Variants in JADE1 observed in about 807,000 individuals in gnomAD.
JADE1 encodes jade family PHD finger 1.
In JADE1, 14 loss-of-function variants were observed where a neutral mutation model predicts 81.8. The observed-to-expected ratio is 0.17, with a 90% confidence interval of 0.11 to 0.27. JADE1 has a LOEUF of 0.27. Ranked by LOEUF, JADE1 falls within the 10% of genes least tolerant of loss-of-function variation. The pLI, the probability that JADE1 is intolerant of heterozygous loss-of-function variation, is 1.00. For synonymous variants in JADE1, 353 were observed against 391.9 expected, an observed-to-expected ratio of 0.90 and a Z score of 1.17; for missense variants, 690 against 1,047.9, an observed-to-expected ratio of 0.66 and a Z score of 4.71.
intron 2 of JADE1, among the ~76,000 whole-genome samples, chr4:128,842,010 A>AC (rs964414790): frequency 1.3e-5 from 2 of 151,722 alleles, no homozygotes; most frequent in African/African-American, 4.8e-5. Flanking sequence ...ATAGGAGTAG[A>AC]CCCCCCTTTG....
At position 128,809,798 on chromosome 4, in the gene JADE1, C is replaced by G. The variant is rs951789641; in HGVS notation, c.-106C>G. 1 of 151,894 alleles carries G rather than the reference C, an allele frequency of 6.6e-6. No homozygotes were observed. The highest frequency in any genetic ancestry group is 2.4e-5 in the African/African-American group (1 of 41,366). The allele number at this position is 151,894 out of a possible 1,614,324, so 9.4% of individuals were successfully genotyped here. On this transcript the variant is annotated 5_prime_UTR_variant, in exon 1 of 11. Coordinates refer to ENST00000226319, the MANE Select transcript of JADE1 (RefSeq NM_199320.4). ...GCAGGGGCCCGCCCGGCTCCCCGCCCGCCGCGGCCCGAACTCATGCAGCTC... is the reference window on the plus strand; with the variant it reads ...GCAGGGGCCCGCCCGGCTCCCCGCCGGCCGCGGCCCGAACTCATGCAGCTC...
At chr4:128,844,688 T>G (rs1481364421) in intron 3 of JADE1, among the ~76,000 whole-genome samples, 1 of 152,206 alleles carries the variant, frequency 6.6e-6, no homozygotes, top group African/African-American at 2.4e-5. Context: ...CACCTGCTTC[T>G]GCGGCTCTAT....
chr4:128,869,246 T>G (rs1732009081), intron 10 of JADE1, among the ~76,000 whole-genome samples: 1 of 152,248 alleles, frequency 6.6e-6, no homozygotes, highest in South Asian at 2.1e-4. Flanking sequence ...AGCTGGAACT[T>G]GCAGTTTAAT....
chr4:128,835,634 G>C (rs934478719), intron 2 of JADE1, among the ~76,000 whole-genome samples: 1 of 152,130 alleles, frequency 6.6e-6, no homozygotes, highest in African/African-American at 2.4e-5. Context: ...AGAAAGATAG[G>C]GTCTATGCAG....
At chr4:128,827,952 AC>A (rs772521105) in intron 1 of JADE1, 14 of 932,184 alleles carry the variant, frequency 1.5e-5, no homozygotes, top group Non-Finnish European at 1.8e-5. Flanking sequence ...TTTTCTGGCT[AC>A]CTCCTCTTTG....
intron 1 of JADE1, among the ~76,000 whole-genome samples, chr4:128,812,372 C>T (rs994575977): frequency 4.0e-5 from 6 of 151,308 alleles, no homozygotes; most frequent in African/African-American, 1.5e-4. Context: ...TGCGCATTCC[C>T]CGGCGGGCGG....
chr4:128,843,626 C>A (rs1233025677), intron 3 of JADE1, among the ~76,000 whole-genome samples: 1 of 152,118 alleles, frequency 6.6e-6, no homozygotes, highest in South Asian at 2.1e-4. Context: ...GTTTAGGGGT[C>A]CTTATGAGAC....
chr4:128,841,005 C>T (rs181205367), intron 2 of JADE1, among the ~76,000 whole-genome samples: 2 of 152,318 alleles, frequency 1.3e-5, no homozygotes, highest in East Asian at 3.9e-4. Flanking sequence ...TCTTGGTCAT[C>T]GCAAATCTGA....
chr4:128,872,001 G>A lies in JADE1; in HGVS notation c.2268G>A (p.Lys756=). 6.2e-7 allele frequency: 1 copy of A among 1,613,946 alleles called. No homozygotes were observed. The highest frequency in any genetic ancestry group is 8.5e-7 in the Non-Finnish European group (1 of 1,179,920). Residue 756 remains lysine, a synonymous_variant, in exon 11 of 11, where the codon AAG becomes AAA. Transcript: ENST00000226319. ...KNWGGFRIPK[K]GERQQQGEAH... ...GGGGAGGATTCCGGATTCCAAAGAA[G>A]GGGGAACGGCAGCAGCAGGGAGAGG...
At chr4:128,832,155 A>G (rs1391566019) in intron 2 of JADE1, among the ~76,000 whole-genome samples, 1 of 152,186 alleles carries the variant, frequency 6.6e-6, no homozygotes, top group Non-Finnish European at 1.5e-5. Context: ...AAGCCAGGTA[A>G]TCATTAACTG....
At chr4:128,856,330 G>C (rs1371059614) in intron 7 of JADE1, among the ~76,000 whole-genome samples, 1 of 152,170 alleles carries the variant, frequency 6.6e-6, no homozygotes, top group African/African-American at 2.4e-5. Context: ...ATGTTAGCTG[G>C]AAGCAGCAGT....
intron 1 of JADE1, among the ~76,000 whole-genome samples, chr4:128,821,878 T>C (rs1727605393): frequency 6.6e-6 from 1 of 152,190 alleles, no homozygotes; most frequent in African/African-American, 2.4e-5. Flanking sequence ...CTATTATTAT[T>C]GCATATATTT....
chr4:128,815,864 GA>G (rs1423276351), intron 1 of JADE1, among the ~76,000 whole-genome samples: 1 of 152,184 alleles, frequency 6.6e-6, no homozygotes, highest in African/African-American at 2.4e-5. Flanking sequence ...AGGGAAATAT[GA>G]CATATTAGCG....
chr4:128,825,345 ATTCTTT>A (rs1727962720), intron 1 of JADE1, among the ~76,000 whole-genome samples: 5 of 152,092 alleles, frequency 3.3e-5, no homozygotes, highest in African/African-American at 1.2e-4. Flanking sequence ...CAGCCCTCTT[ATTCTTT>A]TGTAAAAGTC....
intron 2 of JADE1, among the ~76,000 whole-genome samples, chr4:128,834,894 C>T (rs1728858492): frequency 6.6e-6 from 1 of 151,818 alleles, no homozygotes; most frequent in Non-Finnish European, 1.5e-5. Flanking sequence ...GACTGTAATC[C>T]TGACACTTAG....
In JADE1 at chr4:128,852,138, C is replaced by T. The variant is rs781703756; in HGVS notation, c.566C>T (p.Ala189Val). The change falls in exon 6 of 11, where the codon GCC becomes GTC. Residue 189 changes from alanine (A) to valine (V), a missense_variant. Ala to Val is a moderately conservative substitution (Grantham distance 64, BLOSUM62 0). Around this residue, in one of 8 missense-constraint regions of JADE1, gnomAD observed 84 missense variants for 226.6 expected, o/e 0.37. Coordinates refer to ENST00000226319, the MANE Select transcript of JADE1 (RefSeq NM_199320.4). ...CGATGCTACGACAATATGAATCATG[C>T]CATAGAGACTGAGGAAGGCCTGGGG... ...EQRCYDNMNH[A>V]IETEEGLGIE... The T allele has an allele frequency of 6.2e-7, 1 of 1,613,930 alleles. No individual in the cohort carries two copies. The highest frequency in any genetic ancestry group is 2.2e-5 in the East Asian group (1 of 44,876).
At chr4:128,827,888 T>A (rs1286530558) in intron 1 of JADE1, 2 of 985,276 alleles carry the variant, frequency 2.0e-6, no homozygotes, top group Non-Finnish European at 2.4e-6. Context: ...CAGAGTAATA[T>A]GCTGTGTTAC....
intron 1 of JADE1, among the ~76,000 whole-genome samples, chr4:128,829,712 G>A (rs947274562): frequency 1.3e-5 from 2 of 152,190 alleles, no homozygotes; most frequent in Non-Finnish European, 2.9e-5. Context: ...AGAAGAGTTA[G>A]ACCTGAAGGC....
At chr4:128,818,914 T>C (rs1727296979) in intron 1 of JADE1, among the ~76,000 whole-genome samples, 1 of 150,170 alleles carries the variant, frequency 6.7e-6, no homozygotes, top group Admixed American at 6.6e-5. Context: ...TGCAGTGGTG[T>C]AAATTCCAGG....
Sources: allele counts gnomAD v4.1 joint callset (sites outside exome capture counted in the v4.1 genomes callset), GRCh38; gene constraint gnomAD v4.1.1; regional missense constraint gnomAD v4.1.1; transcripts MANE v1.5; gene names NCBI Gene and HGNC (gene_info 2026-07-23, HGNC 2026-07-21).